Variants in L3MBTL4 observed in about 807,000 individuals in gnomAD.
L3MBTL4 encodes lethal(3)malignant brain tumor-like protein 4.
L3MBTL4 carries 70 observed loss-of-function variants against 84.5 expected under a neutral mutation model. The ratio of observed to expected loss-of-function variants is 0.83; its 90% CI spans 0.68 to 1.01. L3MBTL4 has a LOEUF of 1.01. Ranked by LOEUF, L3MBTL4 falls within the 50% of genes least tolerant of loss-of-function variation. L3MBTL4 has a pLI of 0.00. For missense variants in L3MBTL4, 715 were observed against 754.8 expected (o/e 0.95, Z 0.62); for synonymous variants, 274 against 259.8 (o/e 1.05, Z -0.52).
At chr18:6,226,981 AG>A (rs2046808617) in intron 10 of L3MBTL4, among the ~76,000 whole-genome samples, 1 of 152,186 alleles carries the variant, frequency 6.6e-6, no homozygotes, top group African/African-American at 2.4e-5. Flanking sequence ...GTATGGAAAA[AG>A]ATATGCAATA....
At chr18:6,222,299 T>C (rs2046589266) in intron 10 of L3MBTL4, among the ~76,000 whole-genome samples, 1 of 152,242 alleles carries the variant, frequency 6.6e-6, no homozygotes, top group African/African-American at 2.4e-5. Context: ...CAGTATGAAA[T>C]ATCAGCACCT....
chr18:6,366,360 C>A (rs772320522), intron 1 of L3MBTL4, among the ~76,000 whole-genome samples: 1 of 152,160 alleles, frequency 6.6e-6, no homozygotes, highest in Non-Finnish European at 1.5e-5. Flanking sequence ...TGTCAGAGAA[C>A]AAATTGTGGC....
At chr18:6,322,809 T>A (rs973621027) in intron 1 of L3MBTL4, among the ~76,000 whole-genome samples, 2 of 152,050 alleles carry the variant, frequency 1.3e-5, no homozygotes, top group African/African-American at 4.8e-5. Context: ...TTAGAAAGAA[T>A]AAGATCTAGT....
intron 16 of L3MBTL4, among the ~76,000 whole-genome samples, chr18:5,996,923 C>A (rs1024081193): frequency 9.9e-5 from 15 of 152,080 alleles, no homozygotes; most frequent in Non-Finnish European, 2.2e-4. Context: ...TTTTCCCTCC[C>A]GATCCAGTTC....
At position 6,161,492 on chromosome 18, in the gene L3MBTL4, C is replaced by T. The variant is rs529842493; in HGVS notation, c.1096+10336G>A. Reference sequence around the variant, plus strand: ...GTATTTCTGCAGAAGCTGAGATCCACGGTGTGCACTCTACCTTGGCTCAAT... The same window carrying T: ...GTATTTCTGCAGAAGCTGAGATCCATGGTGTGCACTCTACCTTGGCTCAAT... On this transcript the variant is annotated intron_variant, in intron 13 of 18. Transcript: ENST00000317931. Among the ~76,000 whole-genome samples, 24 of 152,282 alleles carry T rather than the reference C, an allele frequency of 1.6e-4. 1 individual carries two copies. The South Asian group carries it at 3.5e-3, about 22-fold the overall frequency.
At chr18:6,014,644 C>T (rs1430926737) in intron 16 of L3MBTL4, among the ~76,000 whole-genome samples, 1 of 152,002 alleles carries the variant, frequency 6.6e-6, no homozygotes, top group African/African-American at 2.4e-5. Flanking sequence ...ACAGAGAGTC[C>T]ACATGGCTGG....
chr18:6,210,286 G>A (rs2046049374), intron 12 of L3MBTL4, among the ~76,000 whole-genome samples: 1 of 152,198 alleles, frequency 6.6e-6, no homozygotes, highest in Non-Finnish European at 1.5e-5. Context: ...CTCCAGGTAG[G>A]ACAGACAATG....
chr18:6,089,463 A>G (rs1038672856), intron 15 of L3MBTL4, among the ~76,000 whole-genome samples: 6 of 152,212 alleles, frequency 3.9e-5, no homozygotes, highest in Non-Finnish European at 7.3e-5. Context: ...GACGCATCAT[A>G]AGGTGACTCT....
At chr18:6,138,113 A>G (rs546389803) in intron 14 of L3MBTL4, 81 bp downstream of exon 14, 125 of 931,864 alleles carry the variant, frequency 1.3e-4, no homozygotes, top group Middle Eastern at 2.5e-4. Context: ...CATGAGACTC[A>G]TTTATGATGC....
At chr18:6,092,356 G>A (rs996515211) in intron 15 of L3MBTL4, among the ~76,000 whole-genome samples, 2 of 152,202 alleles carry the variant, frequency 1.3e-5, no homozygotes, top group African/African-American at 2.4e-5. Flanking sequence ...AAGAGAAGGA[G>A]CACCTCCCCA....
chr18:6,197,758 G>A (rs988441848), intron 12 of L3MBTL4, among the ~76,000 whole-genome samples: 5 of 152,126 alleles, frequency 3.3e-5, no homozygotes, highest in Non-Finnish European at 7.4e-5. Flanking sequence ...CATCCACCTC[G>A]TCCTGGTGAC....
chr18:6,171,852 C>T lies in L3MBTL4; in HGVS notation c.1072G>A (p.Gly358Arg). Residue 358 changes from glycine to arginine, a missense_variant, in exon 13 of 19, where the codon GGG (glycine) becomes AGG (arginine). Coordinates refer to ENST00000317931, the MANE Select transcript of L3MBTL4 (RefSeq NM_001330559.2). Reference protein sequence around the residue: ...IHPIGWCDVTGHPLEVPQRTN... With the variant: ...IHPIGWCDVTRHPLEVPQRTN... ...CGCTGTGGCACTTCCAGTGGATGCC[C>T]TGTGACATCACACCATCCGATCGGG... 2 of 1,550,178 alleles carry T rather than the reference C, an allele frequency of 1.3e-6. No homozygotes were observed. Among genetic ancestry groups the T allele is most frequent in the Non-Finnish European group, 1.7e-6 (2 of 1,145,346 alleles).
chr18:6,226,031 T>C (rs1055413951), intron 10 of L3MBTL4, among the ~76,000 whole-genome samples: 22 of 152,286 alleles, frequency 1.4e-4, no homozygotes, highest in African/African-American at 5.1e-4. Flanking sequence ...GAAATTTGGA[T>C]ACATACAAAG....
At chr18:6,138,395 AAAAC>A (rs1427140412) in intron 13 of L3MBTL4, 99 bp from the exon 14 acceptor site, 1 of 721,196 alleles carries the variant, frequency 1.4e-6, no homozygotes, top group Non-Finnish European at 2.3e-6. Flanking sequence ...TTACAAATTA[AAAAC>A]AAACCATCAC....
chr18:6,198,872 T>C (rs913123733), intron 12 of L3MBTL4, among the ~76,000 whole-genome samples: 2 of 152,234 alleles, frequency 1.3e-5, no homozygotes, highest in African/African-American at 4.8e-5. Context: ...CTATTTATTA[T>C]GATGTTCACA....
At chr18:5,965,510 T>A (rs1169554883) in intron 17 of L3MBTL4, among the ~76,000 whole-genome samples, 2 of 152,168 alleles carry the variant, frequency 1.3e-5, no homozygotes, top group East Asian at 3.9e-4. Flanking sequence ...AAAGCACCCC[T>A]GAGCCCCCAC....
chr18:6,088,596 A>G (rs2058337889), intron 15 of L3MBTL4, among the ~76,000 whole-genome samples: 1 of 152,188 alleles, frequency 6.6e-6, no homozygotes, highest in Non-Finnish European at 1.5e-5. Context: ...TACCTCCCAA[A>G]GCAGAGAATT....
intron 14 of L3MBTL4, among the ~76,000 whole-genome samples, chr18:6,111,444 T>C (rs906980784): frequency 3.9e-5 from 6 of 152,194 alleles, no homozygotes; most frequent in African/African-American, 1.4e-4. Context: ...CTGGGCCAAC[T>C]TTATGCAGAG....
chr18:6,072,828 CACTCTAG>C (rs1329445104), intron 16 of L3MBTL4, among the ~76,000 whole-genome samples: 5 of 125,886 alleles, frequency 4.0e-5, no homozygotes, highest in South Asian at 2.8e-4. Flanking sequence ...TGCACTCCAG[CACTCTAG>C]CCTGGGTGAC....
Sources: allele counts gnomAD v4.1 joint callset (sites outside exome capture counted in the v4.1 genomes callset), GRCh38; gene constraint gnomAD v4.1.1; transcripts MANE v1.5; gene names NCBI Gene and HGNC (gene_info 2026-07-23, HGNC 2026-07-21).